The following CABP7 variants were observed in gnomAD, a reference collection of about 807,000 sequenced individuals.
CABP7 encodes calcium-binding protein 7.
Under a neutral mutation model 23.1 loss-of-function variants are expected in CABP7, and 13 were observed. The observed-to-expected ratio is 0.56, with a 90% CI of 0.37 to 0.90. The LOEUF is 0.90. CABP7 is among the 40% of genes least tolerant of loss of function. The pLI is 0.01. For synonymous variants in CABP7, 123 were observed against 115.3 expected (o/e 1.07, Z -0.43); for missense variants, 248 against 295.6 (o/e 0.84, Z 1.18).
intron 1 of CABP7, among the ~76,000 whole-genome samples, chr22:29,723,565 C>G (rs2067776348): frequency 6.6e-6 from 1 of 152,212 alleles, no homozygotes; most frequent in Non-Finnish European, 1.5e-5. Flanking sequence ...AGTCAGACCT[C>G]CAGGCAGACA....
chr22:29,728,829 A>AG, intron 3 of CABP7, 87 bp downstream of exon 3: 7 of 1,114,012 alleles, frequency 6.3e-6, no homozygotes, highest in Non-Finnish European at 9.4e-6. Flanking sequence ...CACACTGTAA[A>AG]GGGGGGATGA....
chr22:29,731,132 A>G lies in CABP7; in HGVS notation c.*1563A>G. ...AGTGAGGCTGGGCAGATGGTCTCGG[A>G]GCCTCCATGGGGCGTAGCAGGAACC... On this transcript the variant is annotated 3_prime_UTR_variant, in exon 5 of 5. Transcript: ENST00000216144. The G allele has an allele frequency of 7.4e-7, 1 of 1,345,264 alleles. No homozygotes were observed. Among genetic ancestry groups the G allele is most frequent in the South Asian group, 1.8e-5 (1 of 56,332 alleles). The allele number at this position is 1,345,264 out of a possible 1,614,324, so 83.3% of individuals were successfully genotyped here. A position where few individuals can be genotyped will look rare whatever the true frequency, so the allele number is the denominator to read the frequency against.
Position 29,727,882 on chromosome 22 carries a change from G to A in CABP7, c.253+77G>A, listed in dbSNP as rs2067807908. 2.7e-6 allele frequency: 4 copies of A among 1,493,090 alleles called. No homozygotes were observed. Among genetic ancestry groups the A allele is most frequent in the African/African-American group, 1.4e-5 (1 of 71,098 alleles). 92.5% of individuals were successfully genotyped at this position (1,493,090 alleles called of 1,614,324 possible). ...TGGGGCAGGGGCTGGGGCCTGAGCT[G>A]CTGAGGCTGCATCCAAATTGGGTCT... On this transcript the variant is annotated intron_variant, in intron 2 of 4. Transcript: ENST00000216144. The surrounding 1 kb of genome is among the most constrained non-coding windows in gnomAD (Gnocchi z 4.2).
At chr22:29,728,829 A>G in intron 3 of CABP7, 87 bp downstream of exon 3, 2 of 1,114,014 alleles carry the variant, frequency 1.8e-6, no homozygotes, top group South Asian at 1.3e-5. Flanking sequence ...CACACTGTAA[A>G]GGGGGGATGA....
intron 1 of CABP7, among the ~76,000 whole-genome samples, chr22:29,722,442 G>A (rs1486396202): frequency 6.6e-6 from 1 of 152,264 alleles, no homozygotes; most frequent in African/African-American, 2.4e-5. Flanking sequence ...GGGAGCTGAG[G>A]GGCCCTGACT....
intron 1 of CABP7, among the ~76,000 whole-genome samples, chr22:29,724,582 C>G (rs2067782384): frequency 6.6e-6 from 1 of 152,228 alleles, no homozygotes; most frequent in Admixed American, 6.5e-5. Context: ...AGGCTGCCTC[C>G]CTGGCTGGGA....
At chr22:29,723,380 C>A (rs181158641) in intron 1 of CABP7, among the ~76,000 whole-genome samples, 18 of 152,304 alleles carry the variant, frequency 1.2e-4, no homozygotes, top group Admixed American at 1.0e-3. Context: ...TCTCTTAGAT[C>A]CCCTCTGTGT....
At chr22:29,721,522 G>T (rs562654045) in intron 1 of CABP7, among the ~76,000 whole-genome samples, 13 of 152,146 alleles carry the variant, frequency 8.5e-5, no homozygotes, top group Non-Finnish European at 1.8e-4. Context: ...CCCAGAGGAT[G>T]GGCCTCTCGG....
Position 29,720,804 on chromosome 22 carries a change from C to T in CABP7, c.109+271C>T, listed in dbSNP as rs2067755787. 6.6e-6 allele frequency among the ~76,000 whole-genome samples: 1 copy of T among 151,288 alleles called. No individual in the cohort carries two copies. On this transcript the variant is annotated intron_variant, in intron 1 of 4. Transcript: ENST00000216144. This position sits in a 1 kb window ranked among gnomAD's most constrained non-coding sequence, Gnocchi z 5.2. The stretch of plus-strand genomic sequence containing the variant: ...CTTGCCGGGCCCCGCAGCGGGGTCA[C>T]GGGGCCGCGCAGTCGGCGGTGACGG...
chr22:29,722,120 A>C (rs559052586), intron 1 of CABP7, among the ~76,000 whole-genome samples: 70 of 151,480 alleles, frequency 4.6e-4, no homozygotes, highest in African/African-American at 1.6e-3. Flanking sequence ...TGTCTCCCAG[A>C]CCCCAGGCAG....
chr22:29,723,110 C>G lies in CABP7; in HGVS notation c.109+2577C>G, dbSNP rs114102665. On this transcript the variant is annotated intron_variant, in intron 1 of 4. Coordinates refer to ENST00000216144, the MANE Select transcript of CABP7 (RefSeq NM_182527.3). The stretch of plus-strand genomic sequence containing the variant: ...ACCTAGCACAGGGGGCTCAGGGACC[C>G]AGATGCAACATGAGGGGAGGCCCTG... Among the ~76,000 whole-genome samples, 1,229 of 152,286 alleles carry G rather than the reference C, an allele frequency of 8.1e-3. 18 individuals carry two copies. Among genetic ancestry groups the G allele is most frequent in the African/African-American group, 0.028 (1,162 of 41,544 alleles).
intron 1 of CABP7, among the ~76,000 whole-genome samples, chr22:29,721,386 T>G (rs1377282952): frequency 1.3e-5 from 2 of 151,186 alleles, no homozygotes; most frequent in Non-Finnish European, 3.0e-5. Context: ...CTGGGGGAGG[T>G]GCTGAGGTTT....
At position 29,731,651 on chromosome 22, in the gene CABP7, G is replaced by C. The variant is rs934297282; in HGVS notation, c.*2082G>C. On this transcript the variant is annotated 3_prime_UTR_variant, in exon 5 of 5. Transcript: ENST00000216144. ...TCAATACATATGCACGTCCACAGCA[G>C]AGAATGCCATGCGGCCTGTGTAAGA... The C allele has an allele frequency of 5.9e-5, 21 of 356,710 alleles. No homozygotes were observed. The highest frequency in any genetic ancestry group is 1.1e-4 in the Non-Finnish European group (21 of 198,042). 22.1% of individuals were successfully genotyped at this position (356,710 alleles called of 1,614,324 possible). A position where few individuals can be genotyped will look rare whatever the true frequency, so the allele number is the denominator to read the frequency against.
chr22:29,731,287 G>C lies in CABP7; in HGVS notation c.*1718G>C. Reference sequence around the variant, plus strand: ...CCAGGTGGGGGTGCCCGCAGGGATGGAGGCAGCTCCTGAACTGGTGGCCAG... The same window carrying C: ...CCAGGTGGGGGTGCCCGCAGGGATGCAGGCAGCTCCTGAACTGGTGGCCAG... On this transcript the variant is annotated 3_prime_UTR_variant, in exon 5 of 5. Coordinates refer to ENST00000216144, the MANE Select transcript of CABP7 (RefSeq NM_182527.3). 6.6e-7 allele frequency: 1 copy of C among 1,524,860 alleles called. No homozygotes were observed. The highest frequency in any genetic ancestry group is 8.7e-7 in the Non-Finnish European group (1 of 1,148,740). The allele number at this position is 1,524,860 out of a possible 1,614,324, so 94.5% of individuals were successfully genotyped here.
rs2067756936 is a variant in CABP7 at position 29,720,908 on chromosome 22, TCCCCTCCGCGGCG to T, written c.109+379_109+391del. On this transcript the variant is annotated intron_variant, in intron 1 of 4. Transcript: ENST00000216144. The surrounding 1 kb of genome is among the most constrained non-coding windows in gnomAD (Gnocchi z 5.2). ...CCCGGCCGGAGCACCCGCATCCTGA[TCCCCTCCGCGGCG>T]CCCGCCCGCGGCTCTCTGCTCGCAT... is the stretch of plus-strand genomic sequence containing the variant. 6.6e-6 allele frequency among the ~76,000 whole-genome samples: 1 copy of T among 151,392 alleles called. No individual in the cohort carries two copies. The highest frequency in any genetic ancestry group is 1.5e-5 in the Non-Finnish European group (1 of 67,768).
In CABP7 at chr22:29,729,701, G is replaced by T; in HGVS notation, c.*132G>T. On this transcript the variant is annotated 3_prime_UTR_variant, in exon 5 of 5. Transcript: ENST00000216144. ...GTGTACTTCAGGGCCTGGGTATCCA[G>T]CGAGCCCTCCCCACCCACCCACGGT... 1 of 1,212,402 alleles carries T rather than the reference G, an allele frequency of 8.2e-7. No homozygotes were observed. The highest frequency in any genetic ancestry group is 1.5e-5 in the South Asian group (1 of 67,472). 75.1% of individuals were successfully genotyped at this position (1,212,402 alleles called of 1,614,324 possible). A position where few individuals can be genotyped will look rare whatever the true frequency, so the allele number is the denominator to read the frequency against.
Position 29,729,824 on chromosome 22 carries a change from A to G in CABP7, c.*255A>G. On this transcript the variant is annotated 3_prime_UTR_variant, in exon 5 of 5. Transcript: ENST00000216144. ...GTCCCCACCCTGGCCTGTAAGGAGC[A>G]CTCACTCTTCCTACCATCCAGGGGC... 1 of 529,350 alleles carries G rather than the reference A, an allele frequency of 1.9e-6. No homozygotes were observed. Among genetic ancestry groups the G allele is most frequent in the Non-Finnish European group, 3.4e-6 (1 of 297,670 alleles). The allele number at this position is 529,350 out of a possible 1,614,324, so 32.8% of individuals were successfully genotyped here.
chr22:29,721,450 G>A (rs2067761459), intron 1 of CABP7, among the ~76,000 whole-genome samples: 1 of 152,100 alleles, frequency 6.6e-6, no homozygotes. Flanking sequence ...GGGGGATCTG[G>A]GCTGATGGGG....
rs1165951756 is a variant in CABP7 at position 29,720,613 on chromosome 22, G to A, written c.109+80G>A. The A allele has an allele frequency of 8.1e-6, 6 of 739,088 alleles. No individual in the cohort carries two copies. Among genetic ancestry groups the A allele is most frequent in the Non-Finnish European group, 1.2e-5 (6 of 504,412 alleles). The allele number at this position is 739,088 out of a possible 1,614,324, so 45.8% of individuals were successfully genotyped here. A position where few individuals can be genotyped will look rare whatever the true frequency, so the allele number is the denominator to read the frequency against. On this transcript the variant is annotated intron_variant, in intron 1 of 4. Transcript: ENST00000216144. This position sits in a 1 kb window ranked among gnomAD's most constrained non-coding sequence, Gnocchi z 5.2. ...TGAAGCGCGGGCCAGGGGCGCGGGG[G>A]CGGGGGGCGGGGGGCGGTCCGCAGG...
Sources: gnomAD v4.1 joint callset for allele counts (sites outside exome capture counted in the v4.1 genomes callset) on GRCh38, gnomAD v4.1.1 for gene constraint, Gnocchi (gnomAD v3.1) non-coding constraint, MANE v1.5 for transcripts, NCBI Gene and HGNC (gene_info 2026-07-23, HGNC 2026-07-21) for gene names.